The following SH2B1 variants were observed in gnomAD, a reference collection of about 807,000 sequenced individuals.
SH2B1 encodes the protein SH2B adapter protein 1.
Under a neutral mutation model 62.6 loss-of-function variants are expected in SH2B1, and 15 were observed. The ratio of observed to expected loss-of-function variants is 0.24; its 90% confidence interval spans 0.16 to 0.37. SH2B1 has a LOEUF of 0.37. Ranked by LOEUF, SH2B1 falls within the 10% of genes least tolerant of loss-of-function variation. The pLI, the probability that SH2B1 is intolerant of heterozygous loss-of-function variation, is 1.00. For missense variants in SH2B1, 925 were observed against 1,015.6 expected, an observed-to-expected ratio of 0.91 and a Z score of 1.21; for synonymous variants, 443 against 438.0, an observed-to-expected ratio of 1.01 and a Z score of -0.14.
chr16:28,851,620 G>A (rs1314710742), intron 1 of SH2B1, among the ~76,000 whole-genome samples: 10 of 151,008 alleles, frequency 6.6e-5, no homozygotes, highest in African/African-American at 2.2e-4. Flanking sequence ...CTGCCACCAC[G>A]CCCAGGTAAT....
At chr16:28,863,572 T>C (rs2152169465), upstream of SH2B1, 1 of 1,103,944 alleles carries the variant, frequency 9.1e-7, no homozygotes. Context: ...GCCGGTTCTC[T>C]ATGGTCGACA....
At position 28,872,659 on chromosome 16, in the gene SH2B1, T is replaced by G; in HGVS notation, c.1851T>G (p.Ser617Arg). ...TCCCTTTGGAGTCGGGAGGCTCCAGTGATGTTGTCCTTGTCAGCTATGTCC... is the reference window on the plus strand; with the variant it reads ...TCCCTTTGGAGTCGGGAGGCTCCAGGGATGTTGTCCTTGTCAGCTATGTCC... Reference protein sequence around the residue: ...HPIPLESGGSSDVVLVSYVPS... With the variant: ...HPIPLESGGSRDVVLVSYVPS... Residue 617 changes from serine (S) to arginine (R), a missense_variant, in exon 7 of 8, where the codon AGT becomes AGG. By Grantham distance (110) the Ser-to-Arg change is moderately radical. Around this residue, in one of 3 missense-constraint regions of SH2B1, gnomAD observed 185 missense variants for 189.5 expected, o/e 0.98. Coordinates refer to ENST00000684370, the MANE Select transcript of SH2B1 (RefSeq NM_001387430.1). This position sits in a 1 kb window ranked among gnomAD's most constrained non-coding sequence, Gnocchi z 5.3. 1.2e-6 allele frequency: 2 copies of G among 1,613,968 alleles called. No homozygotes were observed. The highest frequency in any genetic ancestry group is 1.7e-6 in the Non-Finnish European group (2 of 1,179,988).
upstream of SH2B1, chr16:28,863,816 G>T (rs531476933): frequency 1.4e-5 from 22 of 1,534,878 alleles, no homozygotes; most frequent in South Asian, 4.8e-5. Context: ...CTTCAGCGAC[G>T]GGAAAGGGGG....
chr16:28,861,106 T>C (rs940882824), upstream of SH2B1, among the ~76,000 whole-genome samples: 8 of 151,494 alleles, frequency 5.3e-5, no homozygotes, highest in African/African-American at 1.9e-4. Context: ...ACAGTGGGAT[T>C]GATTACAGGA....
chr16:28,872,697 G>A lies in SH2B1; in HGVS notation c.1889G>A (p.Arg630Gln), dbSNP rs760535051. 1.5e-5 allele frequency: 24 copies of A among 1,614,028 alleles called. No individual in the cohort carries two copies. The highest frequency in any genetic ancestry group is 9.9e-5 in the South Asian group (9 of 91,080). ...VLVSYVPSSQ[R>Q]QQEPTTSHDP... is the part of the protein sequence containing the mutation. ...GTCAGCTATGTCCCATCCTCCCAGCGACAGCAGGGTGAGCAGAGCAGGTCT... is the reference window on the plus strand; with the variant it reads ...GTCAGCTATGTCCCATCCTCCCAGCAACAGCAGGGTGAGCAGAGCAGGTCT... Residue 630 changes from arginine to glutamine, a missense_variant, in exon 7 of 8, where the codon CGA (arginine) becomes CAA (glutamine). Coordinates refer to ENST00000684370, the MANE Select transcript of SH2B1 (RefSeq NM_001387430.1). This position sits in a 1 kb window ranked among gnomAD's most constrained non-coding sequence, Gnocchi z 5.3.
chr16:28,853,038 ATATATATT>A (rs1445976456), intron 1 of SH2B1, among the ~76,000 whole-genome samples: 1 of 99,198 alleles, frequency 1.0e-5, no homozygotes. Context: ...ATATATGTAC[ATATATATT>A]TATATATGTA....
At position 28,873,240 on chromosome 16, in the gene SH2B1, C is replaced by A. The variant is rs779652630; in HGVS notation, c.1898-207C>A. ...GATGCCACCCCGATGCCTCCTGCAC[C>A]CTCATGCCCTTCGGAGCGAGTGACT... On this transcript the variant is annotated intron_variant, in intron 7 of 7. Coordinates refer to ENST00000684370, the MANE Select transcript of SH2B1 (RefSeq NM_001387430.1). The surrounding 1 kb of genome is among the most constrained non-coding windows in gnomAD (Gnocchi z 4.2). 2.5e-6 allele frequency: 4 copies of A among 1,607,254 alleles called. No homozygotes were observed. Among genetic ancestry groups the A allele is most frequent in the East Asian group, 4.5e-5 (2 of 44,744 alleles).
chr16:28,856,110 CAA>C (rs56267263), intron 1 of SH2B1, among the ~76,000 whole-genome samples: 1 of 134,946 alleles, frequency 7.4e-6, no homozygotes. Flanking sequence ...ACTAAAAATA[CAA>C]AAAAAAAAAA....
Position 28,873,668 on chromosome 16 carries a change from G to A in SH2B1, c.2119G>A (p.Ala707Thr), listed in dbSNP as rs370023058. 2.5e-4 allele frequency: 378 copies of A among 1,528,640 alleles called. 1 individual carries two copies. The highest frequency in any genetic ancestry group is 3.2e-4 in the Non-Finnish European group (366 of 1,135,976). The allele number at this position is 1,528,640 out of a possible 1,614,324, so 94.7% of individuals were successfully genotyped here. ...GGTCCCCGTGGTTGAATTGGAAGAG[G>A]CCATAGCCCCAGGCTCAGAGGCCCA... ...ELVPVVELEE[A>T]IAPGSEAQGA... Residue 707 changes from alanine (A) to threonine (T), a missense_variant, in exon 8 of 8, where the codon GCC becomes ACC. Physicochemically the swap from Ala to Thr is moderately conservative, Grantham distance 58. Around this residue, in one of 3 missense-constraint regions of SH2B1, gnomAD observed 185 missense variants for 189.5 expected, o/e 0.98. Coordinates refer to ENST00000684370, the MANE Select transcript of SH2B1 (RefSeq NM_001387430.1). This position sits in a 1 kb window ranked among gnomAD's most constrained non-coding sequence, Gnocchi z 4.2.
At chr16:28,869,135 T>C (rs1567469598) in intron 3 of SH2B1, 38 bp downstream of exon 3, 2 of 1,612,776 alleles carry the variant, frequency 1.2e-6, no homozygotes, top group Non-Finnish European at 1.7e-6. Flanking sequence ...GGACATAGAG[T>C]GGGGTTGGGG....
Position 28,864,239 on chromosome 16 carries a change from GAAATATCAGA to G in SH2B1, c.-1854_-1845del. 2 of 1,018,812 alleles carry G rather than the reference GAAATATCAGA, an allele frequency of 2.0e-6. No homozygotes were observed. The highest frequency in any genetic ancestry group is 1.7e-5 in the African/African-American group (1 of 57,724). The allele number at this position is 1,018,812 out of a possible 1,614,324, so 63.1% of individuals were successfully genotyped here. A position where few individuals can be genotyped will look rare whatever the true frequency, so the allele number is the denominator to read the frequency against. On this transcript the variant is annotated 5_prime_UTR_variant, in exon 1 of 8. The change abolishes the stop of an existing upstream ORF in the 5' untranslated region. Transcript: ENST00000684370. ...GCACCCTCCACCTCCCGCCCTTCGG[GAAATATCAGA>G]ACTGAGCCAGGAGGCAGGTGCACCG...
chr16:28,864,540 T>A lies in SH2B1; in HGVS notation c.-1555T>A. Reference sequence around the variant, plus strand: ...GTTGGAGCCATCTGAGCTTGTAGGGTCGAGGCCCAGGAGGAAGGGGAGGGT... The same window carrying A: ...GTTGGAGCCATCTGAGCTTGTAGGGACGAGGCCCAGGAGGAAGGGGAGGGT... On this transcript the variant is annotated 5_prime_UTR_variant, in exon 1 of 8. Coordinates refer to ENST00000684370, the MANE Select transcript of SH2B1 (RefSeq NM_001387430.1). The A allele has an allele frequency of 8.1e-6, 8 of 985,552 alleles. No individual in the cohort carries two copies. Among genetic ancestry groups the A allele is most frequent in the Non-Finnish European group, 9.6e-6 (8 of 830,030 alleles). The allele number at this position is 985,552 out of a possible 1,614,324, so 61.1% of individuals were successfully genotyped here. A position where few individuals can be genotyped will look rare whatever the true frequency, so the allele number is the denominator to read the frequency against.
Position 28,865,329 on chromosome 16 carries a change from T to C in SH2B1, c.-766T>C. On this transcript the variant is annotated 5_prime_UTR_variant, in exon 1 of 8. Coordinates refer to ENST00000684370, the MANE Select transcript of SH2B1 (RefSeq NM_001387430.1). ...TGGGTGCTGGACTCTGGGGTCAGCT[T>C]TCAAGACAATTACTGTTTTGGTCCA... 2.0e-6 allele frequency: 2 copies of C among 985,650 alleles called. No homozygotes were observed. Among genetic ancestry groups the C allele is most frequent in the Non-Finnish European group, 2.4e-6 (2 of 829,984 alleles). The allele number at this position is 985,650 out of a possible 1,614,324, so 61.1% of individuals were successfully genotyped here.
At position 28,865,385 on chromosome 16, in the gene SH2B1, C is replaced by T; in HGVS notation, c.-710C>T. The T allele has an allele frequency of 3.0e-6, 3 of 985,648 alleles. No individual in the cohort carries two copies. Among genetic ancestry groups the T allele is most frequent in the Non-Finnish European group, 3.6e-6 (3 of 830,008 alleles). The allele number at this position is 985,648 out of a possible 1,614,324, so 61.1% of individuals were successfully genotyped here. A position where few individuals can be genotyped will look rare whatever the true frequency, so the allele number is the denominator to read the frequency against. On this transcript the variant is annotated 5_prime_UTR_variant, in exon 1 of 8. Transcript: ENST00000684370. ...CATCCATCCTCATTAATGAATCGGC[C>T]CCCTCCAAAGAGTTGGACCCTAAGA...
At chr16:28,859,302 A>G (rs1289337167), upstream of SH2B1, among the ~76,000 whole-genome samples, 5 of 152,130 alleles carry the variant, frequency 3.3e-5, no homozygotes, top group South Asian at 8.3e-4. Flanking sequence ...TCACATAGAT[A>G]GACACCTGTC....
chr16:28,850,862 GA>G (rs565938904), intron 1 of SH2B1, among the ~76,000 whole-genome samples: 2,419 of 71,228 alleles, frequency 0.034, 47 homozygotes, highest in African/African-American at 0.095. Flanking sequence ...GACTCCATCT[GA>G]AAAAAAAAAA....
chr16:28,852,503 TATATATACACATATATTTA>T lies in SH2B1; in HGVS notation c.-301+5677_-301+5695del. Among the ~76,000 whole-genome samples, 2 of 66,336 alleles carry T rather than the reference TATATATACACATATATTTA, an allele frequency of 3.0e-5. 1 individual carries two copies. Among genetic ancestry groups the T allele is most frequent in the East Asian group, 9.2e-4 (2 of 2,170 alleles). 43.5% of individuals were successfully genotyped at this position (66,336 alleles called of 152,430 possible). On this transcript the variant is annotated intron_variant, in intron 1 of 10. Coordinates refer to the SH2B1 transcript ENST00000322610. ...ATTTATATATACATACATATATTTA[TATATATACACATATATTTA>T]TATATATACACATATATTTATATAT...
In SH2B1 at chr16:28,873,059, C is replaced by A; in HGVS notation, c.1897+354C>A. The A allele has an allele frequency of 1.3e-6, 1 of 777,160 alleles. No individual in the cohort carries two copies. Among genetic ancestry groups the A allele is most frequent in the Non-Finnish European group, 2.0e-6 (1 of 493,450 alleles). 48.1% of individuals were successfully genotyped at this position (777,160 alleles called of 1,614,324 possible). The stretch of plus-strand genomic sequence containing the variant: ...GCCTTGGGCCTGCCCTTCCCGGGGA[C>A]ACTCGGTCTGATCCCCTTCCCTCCT... On this transcript the variant is annotated intron_variant, in intron 7 of 7. Coordinates refer to ENST00000684370, the MANE Select transcript of SH2B1 (RefSeq NM_001387430.1). This position sits in a 1 kb window ranked among gnomAD's most constrained non-coding sequence, Gnocchi z 4.2.
chr16:28,847,512 C>T (rs769707923), intron 1 of SH2B1, among the ~76,000 whole-genome samples: 5 of 152,092 alleles, frequency 3.3e-5, no homozygotes, highest in Non-Finnish European at 7.4e-5. Flanking sequence ...AACAAACACT[C>T]TTCTAAAACT....
Sources: allele counts gnomAD v4.1 joint callset (sites outside exome capture counted in the v4.1 genomes callset), GRCh38; gene constraint gnomAD v4.1.1; regional missense constraint gnomAD v4.1.1; non-coding constraint Gnocchi (gnomAD v3.1); transcripts MANE v1.5; gene names NCBI Gene and HGNC (gene_info 2026-07-23, HGNC 2026-07-21).